Variants in PSMC1 observed in about 807,000 individuals in gnomAD.
The protein encoded by PSMC1 is 26S proteasome regulatory subunit 4.
A neutral mutation model predicts 49.8 loss-of-function variants in PSMC1; 5 were observed. That is an observed-to-expected ratio of 0.10 (90% CI 0.05 to 0.21). The LOEUF (loss-of-function observed/expected upper bound fraction) is 0.21. Ranked by LOEUF, PSMC1 falls within the 10% of genes least tolerant of loss-of-function variation. The pLI, the probability that PSMC1 is intolerant of heterozygous loss-of-function variation, is 1.00. For synonymous variants in PSMC1, 155 were observed against 192.1 expected (o/e 0.81, Z 1.60); for missense variants, 181 against 535.7 (o/e 0.34, Z 6.54).
Position 90,275,147 on chromosome 14 carries a change from T to A in PSMC1, c.*2740T>A, listed in dbSNP as rs963414817. On this transcript the variant is annotated 3_prime_UTR_variant, in exon 11 of 11. Coordinates refer to ENST00000261303, the MANE Select transcript of PSMC1 (RefSeq NM_002802.3). ...ACAAATTCAGAACACTTCAAAAGTA[T>A]CCACGTCTTGGAAGTCAAAAAGCTT... The A allele has an allele frequency of 1.3e-5, 2 of 152,086 alleles. No homozygotes were observed. The highest frequency in any genetic ancestry group is 1.9e-4 in the East Asian group (1 of 5,182). 9.4% of individuals were successfully genotyped at this position (152,086 alleles called of 1,614,324 possible). A position where few individuals can be genotyped will look rare whatever the true frequency, so the allele number is the denominator to read the frequency against.
chr14:90,258,968 A>C (rs1171115444), intron 1 of PSMC1, among the ~76,000 whole-genome samples, 192 bp from the exon 2 acceptor site: 1 of 152,218 alleles, frequency 6.6e-6, no homozygotes, highest in Non-Finnish European at 1.5e-5. Context: ...ACATCTTTTC[A>C]GGGAAAAAGA....
chr14:90,261,485 G>C (rs1891396994), intron 3 of PSMC1, among the ~76,000 whole-genome samples: 1 of 152,174 alleles, frequency 6.6e-6, no homozygotes, highest in African/African-American at 2.4e-5. Flanking sequence ...ATGTTACATG[G>C]ATATTTAATA....
chr14:90,269,373 C>T, intron 8 of PSMC1, 24 bp from the exon 9 acceptor site: 2 of 1,564,784 alleles, frequency 1.3e-6, no homozygotes, highest in South Asian at 1.1e-5. Context: ...AGTCTTCATT[C>T]CTTCCCTTTT....
intron 8 of PSMC1, 98 bp downstream of exon 8, chr14:90,268,511 A>T: frequency 8.1e-7 from 1 of 1,238,706 alleles, no homozygotes; most frequent in Non-Finnish European, 1.2e-6. Context: ...CCCTATGGCC[A>T]CAGTTCTTGC....
chr14:90,274,809 CACACACA>C lies in PSMC1; in HGVS notation c.*2403_*2409del, dbSNP rs1566678014. ...AACTACACACACACACACACACACA[CACACACA>C]CACACACACACACACACACACACCC... On this transcript the variant is annotated 3_prime_UTR_variant, in exon 11 of 11. Coordinates refer to ENST00000261303, the MANE Select transcript of PSMC1 (RefSeq NM_002802.3). 2 of 68,214 alleles carry C rather than the reference CACACACA, an allele frequency of 2.9e-5. No individual in the cohort carries two copies. The highest frequency in any genetic ancestry group is 1.0e-3 in the South Asian group (2 of 1,980). 4.2% of individuals were successfully genotyped at this position (68,214 alleles called of 1,614,324 possible). A position where few individuals can be genotyped will look rare whatever the true frequency, so the allele number is the denominator to read the frequency against.
intron 10 of PSMC1, 94 bp downstream of exon 10, chr14:90,270,446 C>T (rs1891632059): frequency 7.3e-7 from 1 of 1,361,276 alleles, no homozygotes; most frequent in Non-Finnish European, 9.8e-7. Context: ...TTGGCCTGGA[C>T]AGGTGGGTGT....
intron 3 of PSMC1, 120 bp downstream of exon 3, chr14:90,260,331 TG>T: frequency 1.4e-6 from 1 of 705,898 alleles, no homozygotes; most frequent in Non-Finnish European, 2.4e-6. Context: ...GCTCTAGCTT[TG>T]TGATTCATTT....
At chr14:90,269,105 G>A (rs1891594317) in intron 8 of PSMC1, 1 of 274,130 alleles carries the variant, frequency 3.6e-6, no homozygotes, top group South Asian at 9.9e-5. Context: ...CTTTTTAGAA[G>A]GAACTCATGC....
At chr14:90,257,716 C>T (rs1314197688) in intron 1 of PSMC1, among the ~76,000 whole-genome samples, 1 of 152,198 alleles carries the variant, frequency 6.6e-6, no homozygotes, top group Non-Finnish European at 1.5e-5. Context: ...CCTTAGCCTT[C>T]CAAGTAGCTG....
chr14:90,269,746 G>C (rs1052557124), intron 9 of PSMC1, 198 bp downstream of exon 9: 43 of 489,630 alleles, frequency 8.8e-5, no homozygotes, highest in African/African-American at 7.9e-4. Flanking sequence ...TTGGCCCTTT[G>C]AATTCCAGTC....
chr14:90,274,169 T>C lies in PSMC1; in HGVS notation c.*1762T>C, dbSNP rs1054820257. The C allele has an allele frequency of 6.5e-6, 1 of 154,636 alleles. No individual in the cohort carries two copies. The highest frequency in any genetic ancestry group is 1.5e-5 in the Non-Finnish European group (1 of 68,518). 9.6% of individuals were successfully genotyped at this position (154,636 alleles called of 1,614,324 possible). A position where few individuals can be genotyped will look rare whatever the true frequency, so the allele number is the denominator to read the frequency against. On this transcript the variant is annotated 3_prime_UTR_variant, in exon 11 of 11. Coordinates refer to ENST00000261303, the MANE Select transcript of PSMC1 (RefSeq NM_002802.3). ...GGCGGGTGTCAGCCCAAGTAGGGTGTGGAGCTGTCCATGTGGAGGAACACC... is the reference window on the plus strand; with the variant it reads ...GGCGGGTGTCAGCCCAAGTAGGGTGCGGAGCTGTCCATGTGGAGGAACACC...
At position 90,273,985 on chromosome 14, in the gene PSMC1, C is replaced by CTTAAT. The variant is rs1891734043; in HGVS notation, c.*1581_*1585dup. 2 of 146,840 alleles carry CTTAAT rather than the reference C, an allele frequency of 1.4e-5. No homozygotes were observed. The highest frequency in any genetic ancestry group is 4.4e-4 in the South Asian group (2 of 4,582). The allele number at this position is 146,840 out of a possible 1,614,324, so 9.1% of individuals were successfully genotyped here. ...TCCCTGTTTTAAAGTTTACAATCTT[C>CTTAAT]TTAATTTTTATCTGCAAAGTTCCTT... On this transcript the variant is annotated 3_prime_UTR_variant, in exon 11 of 11. Transcript: ENST00000261303.
rs1566677946 is a variant in PSMC1 at position 90,274,786 on chromosome 14, C to CCACACACACACA, written c.*2379_*2380insCACACACACACA. 6.1e-5 allele frequency: 5 copies of CCACACACACACA among 81,564 alleles called. No homozygotes were observed. The highest frequency in any genetic ancestry group is 2.0e-4 in the African/African-American group (4 of 20,210). The allele number at this position is 81,564 out of a possible 1,614,324, so 5.1% of individuals were successfully genotyped here. ...ACAGTATAGCCCTTTAAATAGGGAA[C>CCACACACACACA]TACACACACACACACACACACACAC... On this transcript the variant is annotated 3_prime_UTR_variant, in exon 11 of 11. Coordinates refer to ENST00000261303, the MANE Select transcript of PSMC1 (RefSeq NM_002802.3).
chr14:90,272,149 C>A lies in PSMC1; in HGVS notation c.1189-124C>A. 9.4e-7 allele frequency: 1 copy of A among 1,061,808 alleles called. No homozygotes were observed. The highest frequency in any genetic ancestry group is 1.3e-6 in the Non-Finnish European group (1 of 741,282). 65.8% of individuals were successfully genotyped at this position (1,061,808 alleles called of 1,614,324 possible). ...CCTTAGGCGATCCACCTGCCTCGGCCTCCCAGAGTGCTGGGATTACAGGTG... is the reference window on the plus strand; with the variant it reads ...CCTTAGGCGATCCACCTGCCTCGGCATCCCAGAGTGCTGGGATTACAGGTG... On this transcript the variant is annotated intron_variant, in intron 10 of 10. Transcript: ENST00000261303. The surrounding 1 kb of genome is among the most constrained non-coding windows in gnomAD (Gnocchi z 4.5).
intron 9 of PSMC1, 83 bp from the exon 10 acceptor site, chr14:90,270,115 A>G: frequency 9.1e-6 from 13 of 1,426,466 alleles, no homozygotes; most frequent in Non-Finnish European, 1.0e-5. Context: ...CTTCGTATGT[A>G]AGGAGATGGG....
chr14:90,265,688 C>CA (rs35151204), intron 7 of PSMC1, among the ~76,000 whole-genome samples: 3,242 of 94,012 alleles, frequency 0.034, 128 homozygotes, highest in African/African-American at 0.11. Context: ...GACTACATCT[C>CA]AAAAAAAAAA....
In PSMC1 at chr14:90,263,545, A is replaced by G. The variant is rs866431547; in HGVS notation, c.279+103A>G. On this transcript the variant is annotated intron_variant, in intron 4 of 10. Coordinates refer to ENST00000261303, the MANE Select transcript of PSMC1 (RefSeq NM_002802.3). ...AGTAGCTGAACCTGTCCAGGCTTTC[A>G]TGAGTATTATTAGCTGCCTTTTACA... is the stretch of plus-strand genomic sequence containing the variant. The G allele has an allele frequency of 2.5e-5, 36 of 1,455,220 alleles. No homozygotes were observed. In the East Asian group the frequency reaches 3.0e-4, roughly 12 times the overall value. The allele number at this position is 1,455,220 out of a possible 1,614,324, so 90.1% of individuals were successfully genotyped here.
In PSMC1 at chr14:90,261,820, A is replaced by G. The variant is rs867465308; in HGVS notation, c.155-1498A>G. Among the ~76,000 whole-genome samples, 7 of 150,636 alleles carry G rather than the reference A, an allele frequency of 4.6e-5. No homozygotes were observed. The South Asian group carries it at 1.5e-3, about 32-fold the overall frequency. ...TTACTGGGTATATACCCAAAGGAAT[A>G]TAAATCAAGCTGCTATAAAGACCCA... On this transcript the variant is annotated intron_variant, in intron 3 of 10. Coordinates refer to ENST00000261303, the MANE Select transcript of PSMC1 (RefSeq NM_002802.3).
At position 90,268,373 on chromosome 14, in the gene PSMC1, A is replaced by G. The variant is rs1207878420; in HGVS notation, c.841A>G (p.Ile281Val). 1.2e-6 allele frequency: 2 copies of G among 1,611,800 alleles called. No homozygotes were observed. Among genetic ancestry groups the G allele is most frequent in the Admixed American group, 1.7e-5 (1 of 59,368 alleles). ...AGTTGCTGAAGAACATGCACCGTCCATCGTGTTTATTGATGAAATTGACGC... is the reference window on the plus strand; with the variant it reads ...AGTTGCTGAAGAACATGCACCGTCCGTCGTGTTTATTGATGAAATTGACGC... Reference protein sequence around the residue: ...FRVAEEHAPSIVFIDEIDAIG... With the variant: ...FRVAEEHAPSVVFIDEIDAIG... Residue 281 changes from isoleucine (I) to valine (V), a missense_variant, in exon 8 of 11, where the codon ATC becomes GTC. Physicochemically the swap from Ile to Val is conservative, Grantham distance 29 (BLOSUM62 3). Transcript: ENST00000261303.
Sources: allele counts gnomAD v4.1 joint callset (sites outside exome capture counted in the v4.1 genomes callset), GRCh38; gene constraint gnomAD v4.1.1; non-coding constraint Gnocchi (gnomAD v3.1); transcripts MANE v1.5; gene names NCBI Gene and HGNC (gene_info 2026-07-23, HGNC 2026-07-21).